The following ANO3 variants were observed in gnomAD, a reference collection of about 807,000 sequenced individuals.
ANO3 encodes the protein anoctamin 3.
Under a neutral mutation model 144.8 loss-of-function variants are expected in ANO3, and 99 were observed. The ratio of observed to expected loss-of-function variants is 0.68; its 90% CI spans 0.58 to 0.81. The LOEUF (loss-of-function observed/expected upper bound fraction) is 0.81. ANO3 is among the 30% of genes least tolerant of loss of function. The probability of loss-of-function intolerance (pLI) is 0.00; values close to 1 mark genes in which losing one functional copy is unlikely to be tolerated. For synonymous variants in ANO3, 414 were observed against 392.6 expected, an observed-to-expected ratio of 1.05 and a Z score of -0.64; for missense variants, 905 against 1,202.2, an observed-to-expected ratio of 0.75 and a Z score of 3.66.
At chr11:26,546,401 A>T (rs1012463156) in intron 11 of ANO3, among the ~76,000 whole-genome samples, 2 of 152,022 alleles carry the variant, frequency 1.3e-5, no homozygotes, top group African/African-American at 2.4e-5. Context: ...CAGAAAGAGA[A>T]TAGTTTTCAG....
At chr11:26,418,514 G>A (rs1443877554) in intron 1 of ANO3, among the ~76,000 whole-genome samples, 1 of 152,032 alleles carries the variant, frequency 6.6e-6, no homozygotes, top group Non-Finnish European at 1.5e-5. Flanking sequence ...TGTGGAGCAG[G>A]CTATATGGCT....
chr11:26,260,246 T>C (rs11029450), intron 1 of ANO3, among the ~76,000 whole-genome samples: 2,970 of 152,202 alleles, frequency 0.02, 62 homozygotes, highest in East Asian at 0.12. Flanking sequence ...ACTGGGCATA[T>C]AAGACTTCTT....
chr11:26,282,139 G>T (rs1326845189), intron 1 of ANO3, among the ~76,000 whole-genome samples: 1 of 152,150 alleles, frequency 6.6e-6, no homozygotes, highest in African/African-American at 2.4e-5. Flanking sequence ...TTCGGAGGGT[G>T]TTAGACAAAA....
intron 1 of ANO3, among the ~76,000 whole-genome samples, chr11:26,414,178 G>A (rs538453052): frequency 4.1e-4 from 62 of 152,210 alleles, no homozygotes; most frequent in African/African-American, 1.4e-3. Context: ...GGACGATGGT[G>A]TGGCGATTTC....
At chr11:26,415,738 G>T (rs867040219) in intron 1 of ANO3, among the ~76,000 whole-genome samples, 28 of 152,140 alleles carry the variant, frequency 1.8e-4, no homozygotes, top group South Asian at 6.2e-4. Flanking sequence ...GGGAAATACA[G>T]CCAGGCACAT....
At chr11:26,223,321 A>G (rs1212442780) in intron 1 of ANO3, among the ~76,000 whole-genome samples, 1 of 152,080 alleles carries the variant, frequency 6.6e-6, no homozygotes, top group Non-Finnish European at 1.5e-5. Flanking sequence ...GGTGATCTTT[A>G]CTCAAGTTCC....
chr11:26,299,148 A>C (rs1854159868), intron 1 of ANO3, among the ~76,000 whole-genome samples: 1 of 152,196 alleles, frequency 6.6e-6, no homozygotes, highest in Admixed American at 6.5e-5. Context: ...TTGCAAAGTT[A>C]AAAGGTTAAG....
intron 1 of ANO3, among the ~76,000 whole-genome samples, chr11:26,404,234 C>T (rs1215379226): frequency 6.6e-6 from 1 of 151,762 alleles, no homozygotes; most frequent in Non-Finnish European, 1.5e-5. Flanking sequence ...GAACATGAAA[C>T]TACATTAAGT....
chr11:26,458,154 G>A (rs1859238916), intron 3 of ANO3, among the ~76,000 whole-genome samples: 1 of 152,068 alleles, frequency 6.6e-6, no homozygotes, highest in Non-Finnish European at 1.5e-5. Context: ...TGCAATAAAT[G>A]TCTCATCACC....
chr11:26,540,003 A>C (rs2134202032), intron 10 of ANO3, among the ~76,000 whole-genome samples: 1 of 152,284 alleles, frequency 6.6e-6, no homozygotes, highest in South Asian at 2.1e-4. Flanking sequence ...TTTGGTTCAG[A>C]AAATATATAG....
intron 1 of ANO3, among the ~76,000 whole-genome samples, chr11:26,222,655 C>G (rs536719446): frequency 5.3e-5 from 8 of 152,354 alleles, no homozygotes; most frequent in Admixed American, 2.6e-4. Context: ...TGAAAGCTGC[C>G]ATGCTTCTTT....
At chr11:26,659,533 A>T (rs1034183842) in intron 26 of ANO3, among the ~76,000 whole-genome samples, 7 of 151,798 alleles carry the variant, frequency 4.6e-5, no homozygotes, top group Non-Finnish European at 1.0e-4. Flanking sequence ...ATATCTACAA[A>T]TTTTTTAAAA....
rs201532205 is a variant in ANO3, at chr11:26,500,781, G to GA, written c.433-7313dup. On this transcript the variant is annotated intron_variant, in intron 4 of 26. Coordinates refer to ENST00000256737, the MANE Select transcript of ANO3 (RefSeq NM_031418.4). Reference sequence around the variant, plus strand: ...CACTTGCTTTATGGTATATTTTGCAGAAAAAAAAAACCACCAAAAAAAGAA... The same window carrying GA: ...CACTTGCTTTATGGTATATTTTGCAGAAAAAAAAAAACCACCAAAAAAAGAA... Among the ~76,000 whole-genome samples, 152 of 145,238 alleles carry GA rather than the reference G, an allele frequency of 1.0e-3. No homozygotes were observed. In the South Asian group the frequency reaches 0.021, roughly 20 times the overall value.
intron 9 of ANO3, among the ~76,000 whole-genome samples, chr11:26,536,175 C>T (rs1314348176): frequency 6.6e-6 from 1 of 151,576 alleles, no homozygotes; most frequent in East Asian, 2.0e-4. Flanking sequence ...AAAAATTAGC[C>T]AGGCACAATG....
At chr11:26,240,273 G>A (rs1852634370) in intron 1 of ANO3, among the ~76,000 whole-genome samples, 1 of 152,134 alleles carries the variant, frequency 6.6e-6, no homozygotes, top group Non-Finnish European at 1.5e-5. Context: ...TGGCACTTGT[G>A]CATATGATAT....
chr11:26,303,887 T>C (rs1359972213), intron 1 of ANO3, among the ~76,000 whole-genome samples: 2 of 151,872 alleles, frequency 1.3e-5, no homozygotes, highest in African/African-American at 4.8e-5. Flanking sequence ...ACCTGGCTAA[T>C]TTTTGTATTT....
At chr11:26,213,493 CAG>C (rs1430687551) in intron 1 of ANO3, among the ~76,000 whole-genome samples, 2 of 152,158 alleles carry the variant, frequency 1.3e-5, no homozygotes, top group Non-Finnish European at 2.9e-5. Context: ...AACAGACAAA[CAG>C]AGAGCCAAAT....
intron 4 of ANO3, among the ~76,000 whole-genome samples, chr11:26,505,711 A>G (rs11029590): frequency 0.44 from 67,375 of 152,008 alleles, 15,356 homozygotes; most frequent in East Asian, 0.73. Context: ...AGTGGCTCAC[A>G]CCTGTGATCC....
intron 1 of ANO3, among the ~76,000 whole-genome samples, chr11:26,393,134 G>A (rs948694447): frequency 2.0e-5 from 3 of 152,092 alleles, no homozygotes; most frequent in African/African-American, 4.8e-5. Context: ...CTGGATACAC[G>A]TGTCCTTTCA....
Sources: gnomAD v4.1 joint callset for allele counts (sites outside exome capture counted in the v4.1 genomes callset) on GRCh38, gnomAD v4.1.1 for gene constraint, MANE v1.5 for transcripts, NCBI Gene and HGNC (gene_info 2026-07-23, HGNC 2026-07-21) for gene names.